ZPBP: variants seen among roughly 807,000 people sequenced by gnomAD.
ZPBP encodes zona pellucida-binding protein 1.
Under a neutral mutation model 44.8 loss-of-function variants are expected in ZPBP, and 26 were observed. The ratio of observed to expected loss-of-function variants is 0.58; its 90% confidence interval spans 0.43 to 0.81. The LOEUF is 0.81. Ranked by LOEUF, ZPBP falls within the 30% of genes least tolerant of loss-of-function variation. ZPBP has a pLI of 0.00. For synonymous variants in ZPBP, 174 were observed against 153.2 expected (o/e 1.14, Z -1.00); for missense variants, 409 against 434.0 (o/e 0.94, Z 0.51).
At chr7:49,933,469 T>A (rs1431469302), downstream of ZPBP, among the ~76,000 whole-genome samples, 1 of 152,210 alleles carries the variant, frequency 6.6e-6, no homozygotes, top group Non-Finnish European at 1.5e-5. Context: ...GTAAACTAGT[T>A]CAACCATTGT....
At position 49,977,284 on chromosome 7, in the gene ZPBP, C is replaced by T. The variant is rs150415230; in HGVS notation, c.961+6058G>A. Among the ~76,000 whole-genome samples the T allele has an allele frequency of 8.3e-3, 1,263 of 151,884 alleles. 14 individuals carry two copies. Among genetic ancestry groups the T allele is most frequent in the African/African-American group, 0.024 (998 of 41,412 alleles). ...ACAATGTCTTTGTGGGTCGAAAAGG[C>T]GGATGAGTTTTATTTCGTACTGATA... On this transcript the variant is annotated intron_variant, in intron 7 of 7. Transcript: ENST00000046087.
chr7:49,876,095 T>C (rs1031577004), intron 2 of ZPBP, among the ~76,000 whole-genome samples: 1 of 152,206 alleles, frequency 6.6e-6, no homozygotes, highest in African/African-American at 2.4e-5. Context: ...TTTGTACTTC[T>C]GGAAGCTAAT....
At chr7:50,004,871 A>G (rs1798236344) in intron 6 of ZPBP, among the ~76,000 whole-genome samples, 1 of 152,088 alleles carries the variant, frequency 6.6e-6, no homozygotes, top group Non-Finnish European at 1.5e-5. Flanking sequence ...GGAAAAGGGC[A>G]GAGAGTTTAT....
intron 3 of ZPBP, among the ~76,000 whole-genome samples, chr7:50,064,665 C>T (rs1179359392): frequency 6.6e-6 from 1 of 152,228 alleles, no homozygotes; most frequent in Non-Finnish European, 1.5e-5. Flanking sequence ...AAATATGGCT[C>T]TGTTCCGCCC....
At chr7:50,033,060 A>G (rs573945127) in intron 4 of ZPBP, among the ~76,000 whole-genome samples, 35 of 152,316 alleles carry the variant, frequency 2.3e-4, no homozygotes, top group African/African-American at 8.2e-4. Context: ...TTTTTGTTGA[A>G]AACATTGCTG....
chr7:49,870,697 C>T (rs1397155525), intron 2 of ZPBP, among the ~76,000 whole-genome samples: 1 of 152,252 alleles, frequency 6.6e-6, no homozygotes, highest in East Asian at 1.9e-4. Context: ...GAAACCATGA[C>T]GTTATCATGA....
downstream of ZPBP, among the ~76,000 whole-genome samples, chr7:49,846,839 A>C (rs571123733): frequency 6.6e-6 from 1 of 152,360 alleles, no homozygotes; most frequent in Admixed American, 6.5e-5. Context: ...CAGCCAGAGA[A>C]GTAGGTTCCT....
chr7:49,967,576 C>T (rs1006783893), intron 7 of ZPBP, among the ~76,000 whole-genome samples: 1 of 151,904 alleles, frequency 6.6e-6, no homozygotes, highest in Non-Finnish European at 1.5e-5. Context: ...GATGAAGTTT[C>T]GCTCTTGTTG....
At chr7:50,016,047 C>A (rs1798804799) in intron 6 of ZPBP, among the ~76,000 whole-genome samples, 1 of 152,168 alleles carries the variant, frequency 6.6e-6, no homozygotes. Flanking sequence ...TTTGACCCAA[C>A]AATCCCATTA....
intron 7 of ZPBP, among the ~76,000 whole-genome samples, chr7:49,940,424 C>CT (rs910147007): frequency 1.3e-5 from 2 of 151,966 alleles, no homozygotes; most frequent in East Asian, 1.9e-4. Flanking sequence ...GAACTAATGG[C>CT]TTTTTTTGTT....
At chr7:49,844,845 A>C in the ZPBP span, among the ~76,000 whole-genome samples, 1 of 152,104 alleles carries the variant, frequency 6.6e-6, no homozygotes, top group South Asian at 2.1e-4. Context: ...GGTGCCCGCC[A>C]CTACGTCCAA....
At chr7:49,867,041 T>C (rs1790921254) in intron 2 of ZPBP, among the ~76,000 whole-genome samples, 1 of 152,192 alleles carries the variant, frequency 6.6e-6, no homozygotes. Context: ...TCATTATCTT[T>C]GTAACCATCT....
intron 1 of ZPBP, among the ~76,000 whole-genome samples, chr7:49,907,809 A>G (rs529422970): frequency 6.6e-6 from 1 of 152,212 alleles, no homozygotes; most frequent in Admixed American, 6.5e-5. Context: ...AAGAGCTATC[A>G]TATAAAGACC....
chr7:50,043,535 T>C (rs1440939393), intron 4 of ZPBP, among the ~76,000 whole-genome samples: 8 of 152,284 alleles, frequency 5.3e-5, no homozygotes, highest in Non-Finnish European at 1.0e-4. Context: ...TCCTAGTCTA[T>C]GATAAAACAG....
intron 4 of ZPBP, among the ~76,000 whole-genome samples, chr7:50,032,254 C>A (rs968566004): frequency 6.6e-6 from 1 of 152,060 alleles, no homozygotes; most frequent in Admixed American, 6.6e-5. Context: ...ACACATTTAT[C>A]ATGTATATAT....
chr7:50,089,522 T>G, intron 2 of ZPBP, 107 bp downstream of exon 2: 1 of 849,792 alleles, frequency 1.2e-6, no homozygotes. Flanking sequence ...GAAAAGGGCC[T>G]TAGGAGACTA....
At chr7:49,884,465 G>C (rs542370320) in intron 2 of ZPBP, among the ~76,000 whole-genome samples, 27 of 152,264 alleles carry the variant, frequency 1.8e-4, no homozygotes, top group Admixed American at 1.6e-3. Flanking sequence ...GCAATTCGGG[G>C]TGGGGTAAGA....
At chr7:49,938,387 T>C (rs1794703860) in intron 7 of ZPBP, among the ~76,000 whole-genome samples, 1 of 152,314 alleles carries the variant, frequency 6.6e-6, no homozygotes, top group South Asian at 2.1e-4. Flanking sequence ...TGATGACATC[T>C]ACTACTGCCT....
At chr7:50,068,847 T>C (rs948265196) in intron 3 of ZPBP, among the ~76,000 whole-genome samples, 5 of 152,204 alleles carry the variant, frequency 3.3e-5, no homozygotes, top group Admixed American at 6.5e-5. Context: ...ACAACCGAAA[T>C]GCCTCACAGT....
Sources: gnomAD v4.1 joint callset for allele counts (sites outside exome capture counted in the v4.1 genomes callset) on GRCh38, gnomAD v4.1.1 for gene constraint, MANE v1.5 for transcripts, NCBI Gene and HGNC (gene_info 2026-07-23, HGNC 2026-07-21) for gene names.